Variants in KIN observed in about 807,000 individuals in gnomAD.
KIN encodes the protein DNA/RNA-binding protein KIN17.
A neutral mutation model predicts 63.0 loss-of-function variants in KIN; 47 were observed. The observed-to-expected ratio is 0.75, with a 90% CI of 0.59 to 0.95. The LOEUF is 0.95. Among genes scored for constraint, KIN ranks in the 40% least tolerant of loss-of-function variants. The pLI, the probability that KIN is intolerant of heterozygous loss-of-function variation, is 0.00. For synonymous variants in KIN, 160 were observed against 157.7 expected (o/e 1.01, Z -0.11); for missense variants, 408 against 460.9 (o/e 0.89, Z 1.05).
intron 10 of KIN, 94 bp downstream of exon 10, chr10:7,763,629 C>T: frequency 1.4e-6 from 1 of 706,074 alleles, no homozygotes; most frequent in Non-Finnish European, 2.5e-6. Flanking sequence ...AGTACTTCTG[C>T]TACTAGGACT....
chr10:7,764,239 A>ATG (rs1835495932), intron 9 of KIN, among the ~76,000 whole-genome samples: 4 of 152,234 alleles, frequency 2.6e-5, no homozygotes, highest in African/African-American at 9.6e-5. Context: ...AAGCTTATGC[A>ATG]GGACAGTTCT....
intron 1 of KIN, among the ~76,000 whole-genome samples, chr10:7,784,414 T>G (rs2853764): frequency 0.11 from 17,229 of 152,078 alleles, 1,035 homozygotes; most frequent in Admixed American, 0.18. Flanking sequence ...GAGACCTCCA[T>G]CTCCACAAGA....
chr10:7,759,984 C>G lies in KIN; in HGVS notation c.1025G>C (p.Arg342Thr). The change falls in exon 12 of 13, where the codon AGA (arginine) becomes ACA (threonine). Residue 342 changes from arginine to threonine, a missense_variant. Physicochemically the swap from Arg to Thr is moderately conservative, Grantham distance 71. Transcript: ENST00000379562. ...GTAGCCTCCATTTAAAACTAGAATT[C>G]TTTTTCCTATGATGGAAAAGAATAT... Reference protein sequence around the residue: ...LETVIPAPGKRILVLNGGYRG... With the variant: ...LETVIPAPGKTILVLNGGYRG... 1 of 1,453,248 alleles carries G rather than the reference C, an allele frequency of 6.9e-7. No homozygotes were observed. Among genetic ancestry groups the G allele is most frequent in the Non-Finnish European group, 9.3e-7 (1 of 1,071,700 alleles). 90.0% of individuals were successfully genotyped at this position (1,453,248 alleles called of 1,614,324 possible).
At position 7,787,980 on chromosome 10, in the gene KIN, C is replaced by A. The variant is rs1836068433; in HGVS notation, c.-47G>T. On this transcript the variant is annotated 5_prime_UTR_variant, in exon 1 of 13. Transcript: ENST00000379562. ...TTTCTGGACCCCAGTACTCAGCCAG[C>A]CGGAAACGGAACCGGGCTGGCGGCG... is the stretch of plus-strand genomic sequence containing the variant. 3 of 1,478,094 alleles carry A rather than the reference C, an allele frequency of 2.0e-6. No individual in the cohort carries two copies. The highest frequency in any genetic ancestry group is 1.1e-5 in the South Asian group (1 of 88,358). The allele number at this position is 1,478,094 out of a possible 1,614,324, so 91.6% of individuals were successfully genotyped here. A position where few individuals can be genotyped will look rare whatever the true frequency, so the allele number is the denominator to read the frequency against.
intron 12 of KIN, among the ~76,000 whole-genome samples, chr10:7,759,619 G>C (rs1029002274): frequency 6.6e-6 from 1 of 151,928 alleles, no homozygotes; most frequent in African/African-American, 2.4e-5. Context: ...TTATTGTTGG[G>C]CTGGGGGACT....
intron 8 of KIN, among the ~76,000 whole-genome samples, chr10:7,767,559 G>C (rs1185057728): frequency 6.6e-6 from 1 of 152,120 alleles, no homozygotes; most frequent in Non-Finnish European, 1.5e-5. Flanking sequence ...ACTAGGAACA[G>C]AGAAGACTAA....
chr10:7,774,399 TA>T (rs1431949674), intron 7 of KIN, among the ~76,000 whole-genome samples: 1 of 152,196 alleles, frequency 6.6e-6, no homozygotes, highest in Non-Finnish European at 1.5e-5. Context: ...CAGTTTTATA[TA>T]GCGAATAAGG....
chr10:7,759,469 C>T lies in KIN; in HGVS notation c.1119+421G>A, dbSNP rs573258345. On this transcript the variant is annotated intron_variant, in intron 12 of 12. Coordinates refer to ENST00000379562, the MANE Select transcript of KIN (RefSeq NM_012311.4). ...TCCCTCCCTCTTGACAATGACTTTA[C>T]TTCCCCCACTAACTTTACTATGCCA... Among the ~76,000 whole-genome samples, 13 of 152,184 alleles carry T rather than the reference C, an allele frequency of 8.5e-5. No individual in the cohort carries two copies. The South Asian group carries it at 1.7e-3, about 19-fold the overall frequency.
Position 7,774,831 on chromosome 10 carries a change from C to T in KIN, c.668G>A (p.Ser223Asn). The stretch of plus-strand genomic sequence containing the variant: ...GATATCCGTGAATGATGCAGCTCAC[C>T]TTGACTTGGAAGATGTTGCTCCGGA... ...SSSGATSSKS[S>N]TLGPSALKTI... Residue 223 changes from serine to asparagine, a missense_variant and splice_region_variant, in exon 7 of 13, where the codon AGT (serine) becomes AAT (asparagine). Ser to Asn is a conservative substitution (Grantham distance 46). Coordinates refer to ENST00000379562, the MANE Select transcript of KIN (RefSeq NM_012311.4). 6.2e-7 allele frequency: 1 copy of T among 1,610,656 alleles called. No individual in the cohort carries two copies. The highest frequency in any genetic ancestry group is 8.5e-7 in the Non-Finnish European group (1 of 1,177,014).
chr10:7,762,682 A>G (rs1376530949), intron 10 of KIN, 126 bp from the exon 11 acceptor site: 1 of 533,302 alleles, frequency 1.9e-6, no homozygotes, highest in Non-Finnish European at 3.3e-6. Context: ...CCTTCTATAA[A>G]TGACACTATT....
intron 1 of KIN, among the ~76,000 whole-genome samples, chr10:7,786,317 A>G (rs980995755): frequency 6.6e-6 from 1 of 152,246 alleles, no homozygotes; most frequent in Non-Finnish European, 1.5e-5. Flanking sequence ...TATATAGAAA[A>G]GTATCCTGAA....
At chr10:7,768,011 C>T (rs1289673863) in intron 8 of KIN, among the ~76,000 whole-genome samples, 1 of 152,136 alleles carries the variant, frequency 6.6e-6, no homozygotes, top group African/African-American at 2.4e-5. Context: ...TATCCTGCCT[C>T]TTCTCTCCCA....
intron 7 of KIN, among the ~76,000 whole-genome samples, chr10:7,771,895 CAAAA>C (rs34263870): frequency 4.7e-5 from 5 of 107,208 alleles, no homozygotes; most frequent in Admixed American, 9.9e-5. Flanking sequence ...AATTCCGTCT[CAAAA>C]AAAAAAAAAA....
Position 7,780,400 on chromosome 10 carries a change from T to A in KIN, c.210-93A>T, listed in dbSNP as rs1835873245. 3.7e-6 allele frequency: 4 copies of A among 1,084,214 alleles called. No individual in the cohort carries two copies. The Admixed American group carries it at 1.0e-4, about 27-fold the overall frequency. 67.2% of individuals were successfully genotyped at this position (1,084,214 alleles called of 1,614,324 possible). ...TTAAGCAGTAGTACAGTTTTTTGTT[T>A]TTGTTTTTTTTGAGACAGAGTCTCG... On this transcript the variant is annotated intron_variant, in intron 2 of 12. Transcript: ENST00000379562.
intron 11 of KIN, among the ~76,000 whole-genome samples, chr10:7,761,942 A>G (rs1835443706): frequency 6.6e-6 from 1 of 152,188 alleles, no homozygotes; most frequent in Admixed American, 6.5e-5. Context: ...TGGAGGTTGC[A>G]GTAAGTCAAG....
Position 7,769,239 on chromosome 10 carries a change from ATTTC to A in KIN, c.771_774del (p.Lys257AsnfsTer30). ...ACCTCCATGATTTCATCCAGTGCAG[ATTTC>A]TTTTTCTTCTTTTCTTTAGACTGAG... On this transcript the variant is annotated frameshift_variant, in exon 8 of 13. Transcript: ENST00000379562. LOFTEE classifies it high-confidence loss of function. The A allele has an allele frequency of 6.2e-7, 1 of 1,612,768 alleles. No individual in the cohort carries two copies. Among genetic ancestry groups the A allele is most frequent in the Non-Finnish European group, 8.5e-7 (1 of 1,179,684 alleles).
rs776220816 is a variant in KIN at position 7,756,137 on chromosome 10, A to G, written c.1125T>C (p.Pro375=). 2.6e-6 allele frequency: 4 copies of G among 1,567,676 alleles called. No homozygotes were observed. Among genetic ancestry groups the G allele is most frequent in the Non-Finnish European group, 3.5e-6 (4 of 1,152,768 alleles). ...TTCCTTCAACTCTGCGTCCTTTTAA[A>G]GGGCCCTACAAATTAAAATAATTTA... ...FSATIVIETG[P]LKGRRVEGIQ... Residue 375 remains proline, a synonymous_variant, in exon 13 of 13, where the codon CCT becomes CCC. Transcript: ENST00000379562.
intron 9 of KIN, 110 bp from the exon 10 acceptor site, chr10:7,763,901 C>A (rs540064637): frequency 7.0e-6 from 4 of 572,650 alleles, no homozygotes; most frequent in East Asian, 6.4e-5. Flanking sequence ...ATGTAACTGC[C>A]CTGCCAAATA....
At chr10:7,775,886 G>T in intron 5 of KIN, 87 bp from the exon 6 acceptor site, 1 of 745,306 alleles carries the variant, frequency 1.3e-6, no homozygotes, top group Non-Finnish European at 2.2e-6. Flanking sequence ...TGCTACCTGT[G>T]TTCCCAGGCA....
Sources: gnomAD v4.1 joint callset for allele counts (sites outside exome capture counted in the v4.1 genomes callset) on GRCh38, gnomAD v4.1.1 for gene constraint, MANE v1.5 for transcripts, NCBI Gene and HGNC (gene_info 2026-07-23, HGNC 2026-07-21) for gene names.